TYW1B: variants seen among roughly 807,000 people sequenced by gnomAD.
The protein encoded by TYW1B is tRNA-yW synthesizing protein 1 homolog B.
Under a neutral mutation model 86.9 loss-of-function variants are expected in TYW1B, and 73 were observed. That is an observed-to-expected ratio of 0.84 (90% CI 0.70 to 1.02). TYW1B has a LOEUF of 1.02. TYW1B is among the 50% of genes least tolerant of loss of function. The probability of loss-of-function intolerance (pLI) is 0.00; values close to 1 mark genes in which losing one functional copy is unlikely to be tolerated. For missense variants in TYW1B, 637 were observed against 827.4 expected, an observed-to-expected ratio of 0.77 and a Z score of 2.82; for synonymous variants, 248 against 292.8, an observed-to-expected ratio of 0.85 and a Z score of 1.56.
intron 13 of TYW1B, among the ~76,000 whole-genome samples, chr7:72,609,238 C>T (rs782817531): frequency 2.0e-5 from 3 of 152,126 alleles, no homozygotes; most frequent in African/African-American, 7.2e-5. Flanking sequence ...GCAGCTTGCA[C>T]TCTCTTTCAG....
chr7:72,767,087 C>T lies in TYW1B; in HGVS notation c.964+10329G>A, dbSNP rs1292454633. 2.0e-5 allele frequency among the ~76,000 whole-genome samples: 3 copies of T among 151,958 alleles called. No homozygotes were observed. The East Asian group carries it at 5.8e-4, about 29-fold the overall frequency. On this transcript the variant is annotated intron_variant, in intron 7 of 13. Coordinates refer to ENST00000620995, the MANE Select transcript of TYW1B (RefSeq NM_001145440.3). ...CAGGGAAGACCATGAGGAGAGTTAT[C>T]TTGTGTGCCTGAAGACTCTACAAAA...
intron 11 of TYW1B, among the ~76,000 whole-genome samples, chr7:72,682,378 G>A (rs1459779940): frequency 1.5e-4 from 23 of 152,176 alleles, no homozygotes; most frequent in Non-Finnish European, 1.9e-4. Flanking sequence ...TGAATGCTAA[G>A]TTATATCCCA....
intron 11 of TYW1B, among the ~76,000 whole-genome samples, chr7:72,663,636 C>G (rs1450562233): frequency 6.6e-6 from 1 of 151,384 alleles, no homozygotes; most frequent in Admixed American, 6.6e-5. Flanking sequence ...TGGTGGCAGG[C>G]GCCTGTAGTC....
intron 2 of TYW1B, among the ~76,000 whole-genome samples, chr7:72,821,899 G>A (rs1788833361): frequency 6.6e-6 from 1 of 152,118 alleles, no homozygotes; most frequent in Non-Finnish European, 1.5e-5. Context: ...GATGCTCTAA[G>A]AAAGGTAACT....
At chr7:72,580,773 A>C (rs2129567573) in intron 13 of TYW1B, among the ~76,000 whole-genome samples, 1 of 151,936 alleles carries the variant, frequency 6.6e-6, no homozygotes, top group South Asian at 2.1e-4. Flanking sequence ...TCCTCTTGAA[A>C]CCCCACTAAA....
intron 12 of TYW1B, among the ~76,000 whole-genome samples, chr7:72,627,456 GTAACATAACA>G (rs368171802): frequency 0.1 from 12,575 of 124,380 alleles, 586 homozygotes; most frequent in South Asian, 0.14. Flanking sequence ...TCAAAAAACA[GTAACATAACA>G]TAACATAACA....
intron 7 of TYW1B, among the ~76,000 whole-genome samples, chr7:72,751,343 T>C (rs1787497311): frequency 6.6e-6 from 1 of 152,110 alleles, no homozygotes; most frequent in Admixed American, 6.6e-5. Flanking sequence ...CGGCACAGAT[T>C]GGGTAAATTC....
chr7:72,652,067 C>G (rs1563046263), intron 11 of TYW1B, among the ~76,000 whole-genome samples: 1 of 152,086 alleles, frequency 6.6e-6, no homozygotes, highest in Non-Finnish European at 1.5e-5. Context: ...CAGCAGCCAC[C>G]ACCTCTGGCG....
chr7:72,596,855 A>G (rs2129567962), intron 13 of TYW1B, among the ~76,000 whole-genome samples: 1 of 152,108 alleles, frequency 6.6e-6, no homozygotes, highest in East Asian at 1.9e-4. Flanking sequence ...AATGGGGAAA[A>G]AAATTGCAAA....
At position 72,652,377 on chromosome 7, in the gene TYW1B, GAA is replaced by G. The variant is rs1169791430; in HGVS notation, c.1507-23382_1507-23381del. On this transcript the variant is annotated intron_variant, in intron 11 of 13. Coordinates refer to ENST00000620995, the MANE Select transcript of TYW1B (RefSeq NM_001145440.3). Reference sequence around the variant, plus strand: ...TGGGCGACAGAGCAAGACTCTGTCTGAAAAAAAAAAAAAAAAAAAAAAAAAAA... The same window carrying G: ...TGGGCGACAGAGCAAGACTCTGTCTGAAAAAAAAAAAAAAAAAAAAAAAAA... 2.5e-3 allele frequency among the ~76,000 whole-genome samples: 78 copies of G among 31,276 alleles called. 1 individual carries two copies. The highest frequency in any genetic ancestry group is 5.9e-3 in the African/African-American group (68 of 11,610). The allele number at this position is 31,276 out of a possible 152,430, so 20.5% of individuals were successfully genotyped here.
intron 10 of TYW1B, among the ~76,000 whole-genome samples, chr7:72,710,633 C>G (rs1433719517): frequency 6.6e-6 from 1 of 152,142 alleles, no homozygotes; most frequent in East Asian, 1.9e-4. Flanking sequence ...TGAAACCAGC[C>G]TAACCAACAT....
chr7:72,750,642 CAAAT>C (rs1787484017), intron 7 of TYW1B, among the ~76,000 whole-genome samples: 1 of 152,104 alleles, frequency 6.6e-6, no homozygotes, highest in Admixed American at 6.6e-5. Flanking sequence ...ATTATTTCTT[CAAAT>C]ACTCTTTCAG....
At chr7:72,664,267 ATTAAT>A (rs1313331118) in intron 11 of TYW1B, among the ~76,000 whole-genome samples, 2 of 151,886 alleles carry the variant, frequency 1.3e-5, no homozygotes, top group Non-Finnish European at 1.5e-5. Context: ...TTTTTTCCAA[ATTAAT>A]TTATTTTTTC....
At chr7:72,755,537 G>A (rs782770174) in intron 7 of TYW1B, among the ~76,000 whole-genome samples, 4 of 152,152 alleles carry the variant, frequency 2.6e-5, no homozygotes, top group South Asian at 2.1e-4. Context: ...TTAGCCAGGC[G>A]TGGTGGTGCA....
rs369057902 is a variant in TYW1B, at chr7:72,739,149, A to G, written c.1082+5335T>C. On this transcript the variant is annotated intron_variant, in intron 8 of 13. Coordinates refer to ENST00000620995, the MANE Select transcript of TYW1B (RefSeq NM_001145440.3). ...TATTTACATTTTACATGATCTGTCA[A>G]TTGAAGTATGTACAGATAAAACAAT... Among the ~76,000 whole-genome samples, 917 of 152,260 alleles carry G rather than the reference A, an allele frequency of 6.0e-3. 12 individuals carry two copies. The highest frequency in any genetic ancestry group is 0.02 in the African/African-American group (815 of 41,550).
intron 11 of TYW1B, among the ~76,000 whole-genome samples, chr7:72,683,150 G>C (rs1289371685): frequency 6.6e-6 from 1 of 152,072 alleles, no homozygotes; most frequent in Non-Finnish European, 1.5e-5. Context: ...AGCCAGCGCC[G>C]GCCTTCCATG....
intron 13 of TYW1B, among the ~76,000 whole-genome samples, chr7:72,584,360 G>T (rs540315451): frequency 2.6e-5 from 4 of 151,808 alleles, no homozygotes; most frequent in African/African-American, 9.7e-5. Flanking sequence ...ATTGTTTTTT[G>T]TTTGTTTGTT....
intron 11 of TYW1B, among the ~76,000 whole-genome samples, chr7:72,651,443 C>A (rs1401147420): frequency 1.3e-5 from 2 of 151,298 alleles, no homozygotes; most frequent in Admixed American, 6.6e-5. Context: ...CATGGTGAAA[C>A]CCCATCTCTA....
chr7:72,739,260 A>G (rs35310225), intron 8 of TYW1B, among the ~76,000 whole-genome samples: 2 of 152,108 alleles, frequency 1.3e-5, no homozygotes, highest in Non-Finnish European at 2.9e-5. Flanking sequence ...TTAATATACT[A>G]TTCTCTCTCT....
Sources: gnomAD v4.1 joint callset for allele counts (sites outside exome capture counted in the v4.1 genomes callset) on GRCh38, gnomAD v4.1.1 for gene constraint, MANE v1.5 for transcripts, NCBI Gene and HGNC (gene_info 2026-07-23, HGNC 2026-07-21) for gene names.